NAA16: variants seen among roughly 807,000 people sequenced by gnomAD.
NAA16 encodes the protein N-alpha-acetyltransferase 16, NatA auxiliary subunit, also known as NARG1-like protein.
Under a neutral mutation model 110.3 loss-of-function variants are expected in NAA16, and 97 were observed. The observed-to-expected ratio is 0.88, with a 90% confidence interval of 0.75 to 1.04. NAA16 has a LOEUF of 1.04. NAA16 is among the 50% of genes least tolerant of loss of function. The pLI, the probability that NAA16 is intolerant of heterozygous loss-of-function variation, is 0.00. For synonymous variants in NAA16, 372 were observed against 330.6 expected (o/e 1.13, Z -1.36); for missense variants, 1,017 against 1,005.1 (o/e 1.01, Z -0.16).
At chr13:41,350,722 G>A (rs2042814889) in intron 9 of NAA16, among the ~76,000 whole-genome samples, 1 of 150,798 alleles carries the variant, frequency 6.6e-6, no homozygotes, top group South Asian at 2.1e-4. Flanking sequence ...CTGGGCTCAA[G>A]CGATTCTCCT....
intron 8 of NAA16, among the ~76,000 whole-genome samples, chr13:41,334,601 T>C (rs1390077685): frequency 6.6e-6 from 1 of 152,144 alleles, no homozygotes; most frequent in East Asian, 1.9e-4. Context: ...TTGTGAGCAG[T>C]AATACTAAAC....
At chr13:41,341,239 A>G (rs1390688187) in intron 9 of NAA16, among the ~76,000 whole-genome samples, 1 of 152,210 alleles carries the variant, frequency 6.6e-6, no homozygotes, top group African/African-American at 2.4e-5. Flanking sequence ...TAGAGATTTC[A>G]GTATCTTTCA....
chr13:41,374,875 C>A, intron 19 of NAA16, 36 bp downstream of exon 19: 1 of 1,279,226 alleles, frequency 7.8e-7, no homozygotes, highest in Non-Finnish European at 1.1e-6. Flanking sequence ...TATGCTTACA[C>A]AGTGATCTAA....
Position 41,376,916 on chromosome 13 carries a change from C to T in NAA16, c.*1314C>T, listed in dbSNP as rs552330736. 7.9e-5 allele frequency: 12 copies of T among 152,160 alleles called. No homozygotes were observed. Among genetic ancestry groups the T allele is most frequent in the African/African-American group, 2.4e-4 (10 of 41,518 alleles). The allele number at this position is 152,160 out of a possible 1,614,324, so 9.4% of individuals were successfully genotyped here. A position where few individuals can be genotyped will look rare whatever the true frequency, so the allele number is the denominator to read the frequency against. On this transcript the variant is annotated 3_prime_UTR_variant, in exon 20 of 20. Coordinates refer to ENST00000379406, the MANE Select transcript of NAA16 (RefSeq NM_024561.5). ...CAAAAAGGGAGATTTTATTTAGACA[C>T]ACATTTTCTTTTCACCCTAATCTAT...
At chr13:41,312,105 T>C (rs2501946) in intron 1 of NAA16, among the ~76,000 whole-genome samples, 8,035 of 152,282 alleles carry the variant, frequency 0.053, 285 homozygotes, top group Non-Finnish European at 0.074. Context: ...ACCGGCAACT[T>C]TAGGAAGCCA....
chr13:41,348,797 G>A (rs1157809973), intron 9 of NAA16, among the ~76,000 whole-genome samples: 2 of 152,006 alleles, frequency 1.3e-5, no homozygotes. Context: ...TTCTTTGTGG[G>A]TAGTTTTTTA....
chr13:41,358,798 T>A lies in NAA16; in HGVS notation c.1258-12T>A. 1.0e-5 allele frequency: 16 copies of A among 1,553,048 alleles called. No homozygotes were observed. The highest frequency in any genetic ancestry group is 1.4e-5 in the Non-Finnish European group (16 of 1,149,980). The stretch of plus-strand genomic sequence containing the variant: ...GATTATAAATTGTGGTTCCTTTAAT[T>A]ATCTTTTATAGCATATAGGTAATCT... On this transcript the variant is annotated splice_polypyrimidine_tract_variant and intron_variant, in intron 11 of 19. Coordinates refer to ENST00000379406, the MANE Select transcript of NAA16 (RefSeq NM_024561.5).
chr13:41,338,852 A>G (rs1242090958), intron 9 of NAA16, among the ~76,000 whole-genome samples: 2 of 152,148 alleles, frequency 1.3e-5, no homozygotes, highest in Non-Finnish European at 2.9e-5. Context: ...GATTTTTGGT[A>G]CACCCATCGC....
chr13:41,372,028 TATTG>T (rs1240308813), intron 15 of NAA16, among the ~76,000 whole-genome samples, 171 bp from the exon 16 acceptor site: 2 of 152,246 alleles, frequency 1.3e-5, no homozygotes, highest in African/African-American at 2.4e-5. Flanking sequence ...TTTTGAAAAG[TATTG>T]ATTGTGTACT....
chr13:41,345,996 A>AT (rs752276758), intron 9 of NAA16, among the ~76,000 whole-genome samples: 21 of 152,314 alleles, frequency 1.4e-4, no homozygotes, highest in Admixed American at 2.0e-4. Context: ...TGCACTAAAA[A>AT]TTTTTAATTT....
At chr13:41,326,660 A>G (rs1202483331) in intron 6 of NAA16, among the ~76,000 whole-genome samples, 1 of 152,154 alleles carries the variant, frequency 6.6e-6, no homozygotes, top group Non-Finnish European at 1.5e-5. Flanking sequence ...TAAGTGGTAG[A>G]GTTATAGTTT....
intron 2 of NAA16, 105 bp downstream of exon 2, chr13:41,317,035 T>A: frequency 1.3e-6 from 1 of 752,696 alleles, no homozygotes; most frequent in Non-Finnish European, 2.3e-6. Flanking sequence ...TGCAGTTCTC[T>A]ATTAGAGTGC....
chr13:41,320,691 A>G lies in NAA16; in HGVS notation c.269A>G (p.Gln90Arg). The stretch of plus-strand genomic sequence containing the variant: ...GGTTGGCATGTATATGGACTCTTGC[A>G]GCGTTCTGATAAAAAATATGATGAA... The part of the protein sequence containing the change: ...HVCWHVYGLL[Q>R]RSDKKYDEAI... Residue 90 changes from glutamine to arginine, a missense_variant, in exon 4 of 20, where the codon CAG (glutamine) becomes CGG (arginine). Coordinates refer to ENST00000379406, the MANE Select transcript of NAA16 (RefSeq NM_024561.5). The G allele has an allele frequency of 6.2e-7, 1 of 1,611,664 alleles. No individual in the cohort carries two copies. The highest frequency in any genetic ancestry group is 8.5e-7 in the Non-Finnish European group (1 of 1,179,528).
intron 6 of NAA16, among the ~76,000 whole-genome samples, chr13:41,326,793 T>C (rs4547226): frequency 0.95 from 144,166 of 152,196 alleles, 68,350 homozygotes; most frequent in South Asian, 0.99. Context: ...TTCCCATATA[T>C]CCCTGTATAC....
Position 41,369,087 on chromosome 13 carries a change from T to C in NAA16, c.1754-3T>C, listed in dbSNP as rs1355297706. On this transcript the variant is annotated splice_polypyrimidine_tract_variant and splice_region_variant and intron_variant, in intron 14 of 19. Transcript: ENST00000379406. ...AGAATTTTGTTCATTTGGATATTTATAGAAAACTTGTCAGCCAAAGAATTG... is the reference window on the plus strand; with the variant it reads ...AGAATTTTGTTCATTTGGATATTTACAGAAAACTTGTCAGCCAAAGAATTG... 6 of 1,556,844 alleles carry C rather than the reference T, an allele frequency of 3.9e-6. No homozygotes were observed. The highest frequency in any genetic ancestry group is 2.8e-5 in the African/African-American group (2 of 71,552).
At chr13:41,332,853 A>G (rs996366228) in intron 8 of NAA16, among the ~76,000 whole-genome samples, 1 of 152,212 alleles carries the variant, frequency 6.6e-6, no homozygotes, top group East Asian at 1.9e-4. Flanking sequence ...GTAGATAGAA[A>G]TTGATTTTAA....
intron 8 of NAA16, among the ~76,000 whole-genome samples, chr13:41,335,937 A>G (rs1264773743): frequency 6.6e-6 from 1 of 151,498 alleles, no homozygotes; most frequent in Non-Finnish European, 1.5e-5. Flanking sequence ...AAATTCTTGT[A>G]TCTTTGTATT....
intron 13 of NAA16, among the ~76,000 whole-genome samples, chr13:41,367,005 T>C (rs543317421): frequency 1.3e-5 from 2 of 151,998 alleles, no homozygotes; most frequent in African/African-American, 4.8e-5. Flanking sequence ...AATGGTAGAG[T>C]TGAGTAGAGC....
In NAA16 at chr13:41,336,654, A is replaced by G; in HGVS notation, c.912A>G (p.Glu304=). 1.9e-6 allele frequency: 3 copies of G among 1,568,678 alleles called. No individual in the cohort carries two copies. The highest frequency in any genetic ancestry group is 2.6e-6 in the Non-Finnish European group (3 of 1,152,628). ...AAAGTACGCTTTTGTTTCTAGGTGA[A>G]AGATTTAGAGAACTAATGGATAAGT... ...RRLPLTLVPG[E]RFRELMDKFL... Residue 304 remains glutamate (E), a synonymous_variant, in exon 9 of 20, where the codon GAA becomes GAG. Transcript: ENST00000379406.
Sources: gnomAD v4.1 joint callset for allele counts (sites outside exome capture counted in the v4.1 genomes callset) on GRCh38, gnomAD v4.1.1 for gene constraint, MANE v1.5 for transcripts, NCBI Gene and HGNC (gene_info 2026-07-23, HGNC 2026-07-21) for gene names.